Variants in MPP7 observed in about 807,000 individuals in gnomAD.
The protein encoded by MPP7 is MAGUK p55 scaffold protein 7, also known as MAGUK p55 subfamily member 7.
MPP7 carries 60 observed loss-of-function variants against 76.5 expected under a neutral mutation model. The ratio of observed to expected loss-of-function variants is 0.78; its 90% CI spans 0.64 to 0.97. The LOEUF is 0.97. MPP7 is among the 50% of genes least tolerant of loss of function. The pLI, the probability that MPP7 is intolerant of heterozygous loss-of-function variation, is 0.00. For missense variants in MPP7, 641 were observed against 694.0 expected, an observed-to-expected ratio of 0.92 and a Z score of 0.86; for synonymous variants, 237 against 244.5, an observed-to-expected ratio of 0.97 and a Z score of 0.29.
chr10:28,304,647 A>G (rs1841238106), upstream of MPP7, among the ~76,000 whole-genome samples: 1 of 152,226 alleles, frequency 6.6e-6, no homozygotes, highest in Non-Finnish European at 1.5e-5. Flanking sequence ...AAGTACTTTG[A>G]GCAAATAGTT....
intron 1 of MPP7, among the ~76,000 whole-genome samples, chr10:28,291,314 G>A (rs1385785670): frequency 6.6e-6 from 1 of 152,134 alleles, no homozygotes; most frequent in Non-Finnish European, 1.5e-5. Flanking sequence ...TAGGGATTAA[G>A]ACTGATATTG....
At chr10:28,164,395 A>G (rs1836373453) in intron 3 of MPP7, among the ~76,000 whole-genome samples, 1 of 152,054 alleles carries the variant, frequency 6.6e-6, no homozygotes, top group Admixed American at 6.6e-5. Context: ...TTCACACTGT[A>G]TAGCTAACTA....
intron 6 of MPP7, among the ~76,000 whole-genome samples, chr10:28,127,504 CATGG>C (rs1187054579): frequency 1.3e-5 from 2 of 152,158 alleles, no homozygotes; most frequent in African/African-American, 4.8e-5. Flanking sequence ...GCCTCGCAAT[CATGG>C]TGGAAGGCAA....
upstream of MPP7, among the ~76,000 whole-genome samples, chr10:28,303,074 A>G (rs931996552): frequency 3.9e-5 from 6 of 151,952 alleles, no homozygotes; most frequent in East Asian, 1.9e-4. Flanking sequence ...CACGGCCCCC[A>G]CCCTCGGAGG....
intron 2 of MPP7, among the ~76,000 whole-genome samples, chr10:28,312,978 T>G (rs1274932948): frequency 6.6e-6 from 1 of 152,140 alleles, no homozygotes; most frequent in South Asian, 2.1e-4. Context: ...GAGGGGCAGT[T>G]TGAGGATGTG....
At chr10:28,056,358 C>A (rs933800280) in intron 16 of MPP7, 122 bp downstream of exon 16, 1 of 994,096 alleles carries the variant, frequency 1.0e-6, no homozygotes, top group Non-Finnish European at 1.5e-6. Context: ...GGGGTTTCAC[C>A]ACCTTGGCCA....
intron 2 of MPP7, among the ~76,000 whole-genome samples, chr10:28,204,707 G>T (rs1463767091): frequency 2.0e-5 from 3 of 152,192 alleles, no homozygotes; most frequent in Non-Finnish European, 2.9e-5. Flanking sequence ...CACGGTTGTT[G>T]TAAGAATTCT....
intron 2 of MPP7, among the ~76,000 whole-genome samples, chr10:28,235,876 T>A (rs1046224367): frequency 3.9e-5 from 6 of 152,138 alleles, no homozygotes; most frequent in African/African-American, 1.2e-4. Flanking sequence ...CTATAATGGC[T>A]CAAAGGATGA....
At position 28,146,547 on chromosome 10, in the gene MPP7, G is replaced by A. The variant is rs367969718; in HGVS notation, c.315+936C>T. 6.9e-4 allele frequency among the ~76,000 whole-genome samples: 105 copies of A among 151,254 alleles called. No homozygotes were observed. In the East Asian group the frequency reaches 0.018, roughly 26 times the overall value. ...CTCCCGAGTAGCTGGGACTACAGGCGCCCGCCACATGTTTTTAACCTCATC... is the reference window on the plus strand; with the variant it reads ...CTCCCGAGTAGCTGGGACTACAGGCACCCGCCACATGTTTTTAACCTCATC... On this transcript the variant is annotated intron_variant, in intron 5 of 16. Coordinates refer to ENST00000683449, the MANE Select transcript of MPP7 (RefSeq NM_001318170.2).
intron 1 of MPP7, among the ~76,000 whole-genome samples, chr10:28,332,046 G>A (rs1366439172): frequency 2.0e-5 from 3 of 152,142 alleles, no homozygotes; most frequent in Non-Finnish European, 4.4e-5. Flanking sequence ...AATTGAACAA[G>A]CATTTGCTTT....
intron 3 of MPP7, among the ~76,000 whole-genome samples, chr10:28,201,124 A>G (rs1482208910): frequency 1.3e-5 from 2 of 152,196 alleles, no homozygotes; most frequent in Admixed American, 1.3e-4. Context: ...TAAAGAAATG[A>G]ACAAATAAAC....
intron 3 of MPP7, 81 bp from the exon 4 acceptor site, chr10:28,150,140 G>T (rs1430864446): frequency 2.1e-6 from 2 of 946,302 alleles, no homozygotes; most frequent in African/African-American, 1.6e-5. Flanking sequence ...CTTGAAAAGA[G>T]AATCTGAATC....
chr10:28,296,480 G>T (rs776503696), intron 1 of MPP7, among the ~76,000 whole-genome samples: 1 of 152,154 alleles, frequency 6.6e-6, no homozygotes, highest in Non-Finnish European at 1.5e-5. Context: ...GTCCAAAGTT[G>T]TCTTCAAAAT....
chr10:28,076,306 G>C (rs1397464758), intron 12 of MPP7, among the ~76,000 whole-genome samples: 2 of 152,248 alleles, frequency 1.3e-5, no homozygotes, highest in East Asian at 3.9e-4. Context: ...AGACTTCTGA[G>C]GGAAAGGGCG....
intron 11 of MPP7, among the ~76,000 whole-genome samples, chr10:28,105,878 G>A (rs1044537695): frequency 1.3e-5 from 2 of 152,116 alleles, no homozygotes; most frequent in Non-Finnish European, 2.9e-5. Flanking sequence ...TCTGCCAAAT[G>A]AGCCAGAAAT....
rs528262290 is a variant in MPP7 at position 28,172,103 on chromosome 10, T to C, written c.157-22044A>G. Among the ~76,000 whole-genome samples the C allele has an allele frequency of 8.5e-5, 13 of 152,328 alleles. No homozygotes were observed. The East Asian group carries it at 2.5e-3, about 29-fold the overall frequency. On this transcript the variant is annotated intron_variant, in intron 3 of 16. Transcript: ENST00000683449. ...TCTAGGATGATGCAATGTACTTTCA[T>C]TGGCCTACGGAGAAGGACGATGTCA...
intron 5 of MPP7, among the ~76,000 whole-genome samples, chr10:28,138,305 T>C (rs1835411099): frequency 2.6e-5 from 4 of 152,198 alleles, no homozygotes; most frequent in Admixed American, 2.6e-4. Flanking sequence ...CTGCTTCCCC[T>C]AGAAACAAAG....
intron 3 of MPP7, among the ~76,000 whole-genome samples, chr10:28,193,739 T>C (rs1257872958): frequency 6.6e-6 from 1 of 151,742 alleles, no homozygotes; most frequent in Non-Finnish European, 1.5e-5. Context: ...AAAATAAAAA[T>C]AAGCAAAAAA....
chr10:28,287,216 C>T (rs1840809243), intron 1 of MPP7, among the ~76,000 whole-genome samples: 1 of 152,116 alleles, frequency 6.6e-6, no homozygotes, highest in African/African-American at 2.4e-5. Context: ...AAATTAGATA[C>T]TTGGAAAAAT....
Sources: allele counts gnomAD v4.1 joint callset (sites outside exome capture counted in the v4.1 genomes callset), GRCh38; gene constraint gnomAD v4.1.1; transcripts MANE v1.5; gene names NCBI Gene and HGNC (gene_info 2026-07-23, HGNC 2026-07-21).